The following SEM1 variants were observed in gnomAD, a reference collection of about 807,000 sequenced individuals.
SEM1 encodes the protein 26S proteasome complex subunit SEM1.
In SEM1, 3 loss-of-function variants were observed where a neutral mutation model predicts 12.7. The observed-to-expected ratio is 0.24, with a 90% CI of 0.11 to 0.61. The LOEUF (loss-of-function observed/expected upper bound fraction) is 0.61. Ranked by LOEUF, SEM1 falls within the 20% of genes least tolerant of loss-of-function variation. SEM1 has a pLI of 0.88. For synonymous variants in SEM1, 30 were observed against 27.8 expected, an observed-to-expected ratio of 1.08 and a Z score of -0.25; for missense variants, 59 against 81.3, an observed-to-expected ratio of 0.73 and a Z score of 1.06.
chr7:96,492,782 TGTG>T (rs1803072501), intron 1 of SEM1, among the ~76,000 whole-genome samples: 1 of 151,448 alleles, frequency 6.6e-6, no homozygotes, highest in African/African-American at 2.4e-5. Flanking sequence ...TGTGTGTGTG[TGTG>T]TGTGTTTGTG....
chr7:96,582,900 T>C (rs1469965696), intron 2 of SEM1, among the ~76,000 whole-genome samples: 1 of 152,204 alleles, frequency 6.6e-6, no homozygotes, highest in Non-Finnish European at 1.5e-5. Flanking sequence ...TCTATCAATT[T>C]TGTTGATCCT....
Position 96,502,829 on chromosome 7 carries a change from C to G in SEM1, c.*60+3794G>C, listed in dbSNP as rs139411733. On this transcript the variant is annotated intron_variant and NMD_transcript_variant, in intron 3 of 3. Transcript: ENST00000466986. ...TGTGCTTGGCACTGGCCATCTTGTTCTGAGGTAGGGGCCAAATGAATGTGG... is the reference window on the plus strand; with the variant it reads ...TGTGCTTGGCACTGGCCATCTTGTTGTGAGGTAGGGGCCAAATGAATGTGG... Among the ~76,000 whole-genome samples the G allele has an allele frequency of 4.0e-3, 602 of 152,288 alleles. 9 individuals are homozygous for G. The highest frequency in any genetic ancestry group is 7.0e-3 in the Non-Finnish European group (474 of 68,012).
intron 2 of SEM1, among the ~76,000 whole-genome samples, chr7:96,589,326 G>A (rs911417912): frequency 3.2e-4 from 49 of 152,280 alleles, no homozygotes; most frequent in African/African-American, 1.1e-3. Flanking sequence ...GCCCATCCCC[G>A]GATTAGAGCA....
chr7:96,542,798 A>G (rs1291765271), intron 2 of SEM1, among the ~76,000 whole-genome samples: 3 of 151,838 alleles, frequency 2.0e-5, no homozygotes, highest in Non-Finnish European at 2.9e-5. Flanking sequence ...TATGAATAAT[A>G]TATATATCAG....
At chr7:96,625,260 A>G (rs770266681) in intron 2 of SEM1, among the ~76,000 whole-genome samples, 23 of 152,154 alleles carry the variant, frequency 1.5e-4, no homozygotes, top group Non-Finnish European at 2.8e-4. Flanking sequence ...TTAGGGTGTC[A>G]TTTCATTTTT....
At chr7:96,535,663 A>T (rs1014700273) in intron 2 of SEM1, among the ~76,000 whole-genome samples, 2 of 151,644 alleles carry the variant, frequency 1.3e-5, no homozygotes, top group African/African-American at 4.8e-5. Flanking sequence ...CTTTCTGTCC[A>T]TGTGTTCTCC....
intron 2 of SEM1, among the ~76,000 whole-genome samples, chr7:96,666,109 C>G (rs1789163288): frequency 6.6e-6 from 1 of 152,184 alleles, no homozygotes; most frequent in Non-Finnish European, 1.5e-5. Flanking sequence ...ATTTCCCACT[C>G]TAGAGCCATT....
At chr7:96,499,592 G>T (rs1211642942), upstream of SEM1, among the ~76,000 whole-genome samples, 3 of 152,142 alleles carry the variant, frequency 2.0e-5, no homozygotes, top group Non-Finnish European at 4.4e-5. Context: ...AGTTAAAGAT[G>T]GAACTACTAA....
chr7:96,558,059 G>T (rs549779960), intron 2 of SEM1: 25 of 154,162 alleles, frequency 1.6e-4, no homozygotes, highest in African/African-American at 5.8e-4. Context: ...CACACGGTGC[G>T]CACACCCACT....
chr7:96,573,939 AAT>A (rs974035364), intron 2 of SEM1, among the ~76,000 whole-genome samples: 1 of 41,250 alleles, frequency 2.4e-5, no homozygotes. Flanking sequence ...TTTTTTTTTT[AAT>A]ATTTTTTATT....
chr7:96,505,979 TTGTCAA>T (rs61071019), intron 3 of SEM1, among the ~76,000 whole-genome samples: 108,592 of 151,270 alleles, frequency 0.72, 39,428 homozygotes, highest in East Asian at 0.87. Flanking sequence ...AAATTATGAG[TTGTCAA>T]TGTCTTGCAT....
chr7:96,675,345 G>A (rs764315239), intron 2 of SEM1, among the ~76,000 whole-genome samples: 5 of 151,976 alleles, frequency 3.3e-5, no homozygotes, highest in South Asian at 2.1e-4. Flanking sequence ...CAGTTTCGCC[G>A]TCACTTCTAT....
chr7:96,703,037 G>T (rs1180381660), intron 1 of SEM1, among the ~76,000 whole-genome samples: 1 of 152,216 alleles, frequency 6.6e-6, no homozygotes, highest in Non-Finnish European at 1.5e-5. Context: ...AGACATTATT[G>T]AGACAATGGG....
chr7:96,546,388 T>C (rs1193402955), intron 2 of SEM1, among the ~76,000 whole-genome samples: 1 of 152,126 alleles, frequency 6.6e-6, no homozygotes, highest in Non-Finnish European at 1.5e-5. Flanking sequence ...TACCTTCTTT[T>C]GCTTACACAA....
At chr7:96,498,125 C>T (rs1011780498), upstream of SEM1, among the ~76,000 whole-genome samples, 5 of 152,116 alleles carry the variant, frequency 3.3e-5, no homozygotes, top group Non-Finnish European at 5.9e-5. Flanking sequence ...GCAGGTGTTA[C>T]AGATGAGGAT....
At chr7:96,697,633 CT>C (rs2115923471) in intron 1 of SEM1, among the ~76,000 whole-genome samples, 1 of 152,186 alleles carries the variant, frequency 6.6e-6, no homozygotes, top group East Asian at 1.9e-4. Context: ...CATAAACAAC[CT>C]AATCTCCAAC....
chr7:96,494,130 T>C (rs1037258818), intron 1 of SEM1, among the ~76,000 whole-genome samples: 3 of 152,216 alleles, frequency 2.0e-5, no homozygotes, highest in Non-Finnish European at 4.4e-5. Flanking sequence ...TCTCTCGTAG[T>C]GGTTGTCAAA....
chr7:96,624,225 A>G (rs1050813512), intron 2 of SEM1, among the ~76,000 whole-genome samples: 8 of 152,236 alleles, frequency 5.3e-5, no homozygotes, highest in African/African-American at 1.2e-4. Context: ...ACGTGACTCA[A>G]TAAAAATAAA....
At chr7:96,516,621 T>C (rs1049285716) in intron 2 of SEM1, among the ~76,000 whole-genome samples, 2 of 152,156 alleles carry the variant, frequency 1.3e-5, no homozygotes, top group Non-Finnish European at 2.9e-5. Context: ...GGAACTCTCA[T>C]TCATTGATGG....
Sources: gnomAD v4.1 joint callset for allele counts (sites outside exome capture counted in the v4.1 genomes callset) on GRCh38, gnomAD v4.1.1 for gene constraint, MANE v1.5 for transcripts, NCBI Gene and HGNC (gene_info 2026-07-23, HGNC 2026-07-21) for gene names.